Variants in CHD1 observed in about 807,000 individuals in gnomAD.
CHD1 encodes chromodomain helicase DNA binding protein 1.
In CHD1, 36 loss-of-function variants were observed where a neutral mutation model predicts 224.2. That is an observed-to-expected ratio of 0.16 (90% CI 0.12 to 0.21). CHD1 has a LOEUF of 0.21. CHD1 is among the 10% of genes least tolerant of loss of function. The probability of loss-of-function intolerance (pLI) is 1.00; values close to 1 mark genes in which losing one functional copy is unlikely to be tolerated. For synonymous variants in CHD1, 668 were observed against 658.3 expected (o/e 1.01, Z -0.23); for missense variants, 1,378 against 1,994.8 (o/e 0.69, Z 5.89).
chr5:98,862,018 C>T (rs1424432213), intron 32 of CHD1, among the ~76,000 whole-genome samples: 4 of 151,994 alleles, frequency 2.6e-5, no homozygotes. Flanking sequence ...TTAGCCAGGC[C>T]TGGTAGCGTG....
At chr5:98,889,000 G>C in intron 16 of CHD1, 76 bp downstream of exon 16, 1 of 978,116 alleles carries the variant, frequency 1.0e-6, no homozygotes, top group South Asian at 2.0e-5. Context: ...TTAAAGCATT[G>C]AGCCATTTTC....
At chr5:98,923,078 T>C (rs941055246) in intron 2 of CHD1, among the ~76,000 whole-genome samples, 1 of 152,224 alleles carries the variant, frequency 6.6e-6, no homozygotes, top group Non-Finnish European at 1.5e-5. Flanking sequence ...ACCTCTAAAG[T>C]TCACCTCCTC....
At chr5:98,909,067 A>G (rs1387331707) in intron 2 of CHD1, among the ~76,000 whole-genome samples, 1 of 152,184 alleles carries the variant, frequency 6.6e-6, no homozygotes, top group Non-Finnish European at 1.5e-5. Context: ...TCTTGATTCA[A>G]CTAAGAAACT....
chr5:98,909,989 T>A (rs1485167079), intron 2 of CHD1, among the ~76,000 whole-genome samples: 1 of 152,156 alleles, frequency 6.6e-6, no homozygotes, highest in African/African-American at 2.4e-5. Context: ...TGCCTGAGGC[T>A]ATAACCCAGC....
At chr5:98,892,038 A>G (rs1393398503) in intron 15 of CHD1, among the ~76,000 whole-genome samples, 1 of 152,214 alleles carries the variant, frequency 6.6e-6, no homozygotes, top group Admixed American at 6.5e-5. Flanking sequence ...ATGCAATTAA[A>G]TGTTTAAACA....
At chr5:98,894,826 G>T (rs941248552) in intron 12 of CHD1, 140 bp from the exon 13 acceptor site, 30 of 345,666 alleles carry the variant, frequency 8.7e-5, no homozygotes, top group East Asian at 6.6e-4. Context: ...AGTTTTTGTG[G>T]TTTTTTTTTT....
At chr5:98,923,064 C>T (rs1753211503) in intron 2 of CHD1, among the ~76,000 whole-genome samples, 1 of 152,130 alleles carries the variant, frequency 6.6e-6, no homozygotes, top group African/African-American at 2.4e-5. Context: ...AAGAAAATCC[C>T]TCTACCTCTA....
chr5:98,859,916 A>C lies in CHD1; in HGVS notation c.4524+56T>G, dbSNP rs950122712. ...TTAATCAAACTGCTCTGTAAAAAGA[A>C]TGTCTCAAGGTTTTAATTATATAAA... On this transcript the variant is annotated intron_variant, in intron 33 of 35. Transcript: ENST00000614616. 1.2e-5 allele frequency: 11 copies of C among 894,140 alleles called. No individual in the cohort carries two copies. In the African/African-American group the frequency reaches 1.9e-4, roughly 15 times the overall value. 55.4% of individuals were successfully genotyped at this position (894,140 alleles called of 1,614,324 possible).
rs59107424 is a variant in CHD1 at position 98,869,615 on chromosome 5, TGC to T, written c.4107+137_4107+138del. On this transcript the variant is annotated intron_variant, in intron 30 of 35. Transcript: ENST00000614616. Reference sequence around the variant, plus strand: ...TATGAACTATAAGTGCGTGCGCACGTGCGCGCGCACACACACACACACACACA... The same window carrying T: ...TATGAACTATAAGTGCGTGCGCACGTGCGCGCACACACACACACACACACA... The T allele has an allele frequency of 3.9e-3, 2,812 of 722,970 alleles. 19 individuals are homozygous for T. The highest frequency in any genetic ancestry group is 0.036 in the African/African-American group (1,487 of 41,118). The allele number at this position is 722,970 out of a possible 1,614,324, so 44.8% of individuals were successfully genotyped here.
At chr5:98,877,643 G>A (rs912224695) in intron 23 of CHD1, among the ~76,000 whole-genome samples, 3 of 152,162 alleles carry the variant, frequency 2.0e-5, no homozygotes, top group African/African-American at 7.2e-5. Flanking sequence ...TATGCTGAAA[G>A]TTAAATGAAG....
At chr5:98,862,540 T>C (rs1448994290) in intron 32 of CHD1, among the ~76,000 whole-genome samples, 1 of 152,248 alleles carries the variant, frequency 6.6e-6, no homozygotes, top group Non-Finnish European at 1.5e-5. Flanking sequence ...TGTGTAACTT[T>C]TTTTATTTTA....
At chr5:98,911,130 GAA>G (rs11451331) in intron 2 of CHD1, among the ~76,000 whole-genome samples, 6,862 of 43,474 alleles carry the variant, frequency 0.16, 433 homozygotes, top group East Asian at 0.3. Flanking sequence ...GTGCTAAAAT[GAA>G]AAAAAAAAAA....
In CHD1 at chr5:98,905,051, G is replaced by C; in HGVS notation, c.101C>G (p.Ser34Trp). 6.3e-7 allele frequency: 1 copy of C among 1,593,796 alleles called. No individual in the cohort carries two copies. The highest frequency in any genetic ancestry group is 8.6e-7 in the Non-Finnish European group (1 of 1,161,542). ...SGSASGSGSGSSSGSSSDGSS... is the reference protein window; with the variant it reads ...SGSASGSGSGWSSGSSSDGSS... ...TCCATCACTACTGCTTCCAGAACTC[G>C]AACCAGATCCAGAGCCTGAAGCTGA... The change falls in exon 3 of 36, where the codon TCG becomes TGG. Residue 34 changes from serine to tryptophan, a missense_variant. Coordinates refer to ENST00000614616, the MANE Select transcript of CHD1 (RefSeq NM_001270.4).
chr5:98,873,075 ATC>A (rs1749478455), intron 26 of CHD1, among the ~76,000 whole-genome samples: 1 of 152,130 alleles, frequency 6.6e-6, no homozygotes. Context: ...CTAAACTCCC[ATC>A]TCAGCCTCCA....
chr5:98,892,777 A>C, intron 14 of CHD1, 64 bp from the exon 15 acceptor site: 3 of 1,150,874 alleles, frequency 2.6e-6, no homozygotes, highest in Middle Eastern at 2.1e-4. Context: ...TTGTGTATGA[A>C]CTTTTTTTTT....
intron 30 of CHD1, 139 bp downstream of exon 30, chr5:98,869,615 T>TGC (rs59107424): frequency 0.016 from 11,427 of 724,016 alleles, 48 homozygotes; most frequent in Non-Finnish European, 0.019. Context: ...CGTGCGCACG[T>TGC]GCGCGCGCAC....
intron 31 of CHD1, 91 bp from the exon 32 acceptor site, chr5:98,863,677 T>C: frequency 1.2e-6 from 1 of 818,822 alleles, no homozygotes; most frequent in Non-Finnish European, 1.9e-6. Context: ...TACATGAGTA[T>C]AATATTATAA....
chr5:98,898,229 T>C (rs1469349132), intron 10 of CHD1, 27 bp downstream of exon 10: 17 of 1,253,300 alleles, frequency 1.4e-5, no homozygotes, highest in Non-Finnish European at 1.8e-5. Flanking sequence ...ATATTTTTAA[T>C]AATTTAAAAT....
chr5:98,928,826 G>GCCGCCT lies in CHD1; in HGVS notation c.-437_-436insAGGCGG. The GCCGCCT allele has an allele frequency of 6.2e-6, 1 of 160,248 alleles. No homozygotes were observed. The highest frequency in any genetic ancestry group is 1.8e-4 in the East Asian group (1 of 5,428). The allele number at this position is 160,248 out of a possible 1,614,324, so 9.9% of individuals were successfully genotyped here. ...AGTCGTCGCCGCCGCCGCCGCCGCCGTCGCGCGCGCGCTCCCGCTCCCTCC... is the reference window on the plus strand; with the variant it reads ...AGTCGTCGCCGCCGCCGCCGCCGCCGCCGCCTTCGCGCGCGCGCTCCCGCTCCCTCC... On this transcript the variant is annotated 5_prime_UTR_variant, in exon 1 of 36. Coordinates refer to ENST00000614616, the MANE Select transcript of CHD1 (RefSeq NM_001270.4).
Sources: gnomAD v4.1 joint callset for allele counts (sites outside exome capture counted in the v4.1 genomes callset) on GRCh38, gnomAD v4.1.1 for gene constraint, MANE v1.5 for transcripts, NCBI Gene and HGNC (gene_info 2026-07-23, HGNC 2026-07-21) for gene names.